Variants in ZNF804A observed in about 807,000 individuals in gnomAD.
ZNF804A encodes the protein zinc finger protein 804A.
In ZNF804A, 2 loss-of-function variants were observed where a neutral mutation model predicts 16.5. The observed-to-expected ratio is 0.12, with a 90% CI of 0.05 to 0.38. The LOEUF (loss-of-function observed/expected upper bound fraction) is 0.38, where lower values mean the gene tolerates loss of function less well. ZNF804A is among the 10% of genes least tolerant of loss of function. The probability of loss-of-function intolerance (pLI) is 0.99; values close to 1 mark genes in which losing one functional copy is unlikely to be tolerated. For missense variants in ZNF804A, 1,473 were observed against 1,390.7 expected (o/e 1.06, Z -0.94); for synonymous variants, 534 against 489.6 (o/e 1.09, Z -1.20).
At chr2:184,615,804 A>C (rs1691310433) in intron 1 of ZNF804A, among the ~76,000 whole-genome samples, 1 of 152,188 alleles carries the variant, frequency 6.6e-6, no homozygotes, top group East Asian at 1.9e-4. Context: ...GCACAAAGAC[A>C]CAGGGTCCAC....
intron 1 of ZNF804A, among the ~76,000 whole-genome samples, chr2:184,856,832 C>T (rs1156283283): frequency 1.3e-5 from 2 of 152,086 alleles, no homozygotes; most frequent in African/African-American, 2.4e-5. Flanking sequence ...TATGTACATG[C>T]ACATATTCCA....
chr2:184,901,245 T>C (rs1404401807), intron 2 of ZNF804A, among the ~76,000 whole-genome samples: 1 of 152,038 alleles, frequency 6.6e-6, no homozygotes, highest in Non-Finnish European at 1.5e-5. Context: ...AAAATACTTA[T>C]TGGGATAAAC....
At chr2:184,758,911 T>C (rs955787171) in intron 1 of ZNF804A, among the ~76,000 whole-genome samples, 10 of 151,964 alleles carry the variant, frequency 6.6e-5, no homozygotes, top group Admixed American at 2.0e-4. Context: ...CTTGTTTACA[T>C]TGCATTTCTG....
chr2:184,920,346 C>A (rs917413667), intron 2 of ZNF804A, among the ~76,000 whole-genome samples: 1 of 152,152 alleles, frequency 6.6e-6, no homozygotes, highest in Non-Finnish European at 1.5e-5. Flanking sequence ...GTGGTCAGAA[C>A]AAAAATGACT....
intron 1 of ZNF804A, among the ~76,000 whole-genome samples, chr2:184,838,067 G>A (rs1191955923): frequency 6.6e-6 from 1 of 152,046 alleles, no homozygotes; most frequent in Non-Finnish European, 1.5e-5. Flanking sequence ...AGTGCACGTG[G>A]GAGCCTCTCT....
At chr2:184,773,835 G>A (rs1308826688) in intron 1 of ZNF804A, among the ~76,000 whole-genome samples, 1 of 151,828 alleles carries the variant, frequency 6.6e-6, no homozygotes, top group East Asian at 1.9e-4. Context: ...ATGATTAATA[G>A]GTCTAGCAAG....
At chr2:184,725,182 T>C (rs759334871) in intron 1 of ZNF804A, among the ~76,000 whole-genome samples, 1 of 151,662 alleles carries the variant, frequency 6.6e-6, no homozygotes, top group Non-Finnish European at 1.5e-5. Context: ...TTTTACCTCC[T>C]ATAAGAAGAG....
chr2:184,909,896 G>A (rs1167388659), intron 2 of ZNF804A, among the ~76,000 whole-genome samples: 1 of 151,770 alleles, frequency 6.6e-6, no homozygotes, highest in African/African-American at 2.4e-5. Context: ...GACTGTTCAT[G>A]GTTTATTTTT....
At chr2:184,752,734 G>A (rs551816101) in intron 1 of ZNF804A, among the ~76,000 whole-genome samples, 2 of 151,508 alleles carry the variant, frequency 1.3e-5, no homozygotes, top group African/African-American at 4.8e-5. Flanking sequence ...AATATATAAC[G>A]TTTAATATTG....
At chr2:184,749,063 A>G (rs1276022852) in intron 1 of ZNF804A, among the ~76,000 whole-genome samples, 1 of 151,382 alleles carries the variant, frequency 6.6e-6, no homozygotes, top group African/African-American at 2.4e-5. Flanking sequence ...TGCCTTTGCT[A>G]TTTGGGCTCC....
chr2:184,602,806 C>T (rs1237245154), intron 1 of ZNF804A, among the ~76,000 whole-genome samples: 1 of 151,934 alleles, frequency 6.6e-6, no homozygotes, highest in Non-Finnish European at 1.5e-5. Context: ...CACAATGAGT[C>T]AATATTATCA....
At chr2:184,763,272 T>A (rs13396662) in intron 1 of ZNF804A, among the ~76,000 whole-genome samples, 2 of 152,036 alleles carry the variant, frequency 1.3e-5, no homozygotes, top group Admixed American at 6.6e-5. Flanking sequence ...TGATGGGCCC[T>A]AATTCAATAT....
At chr2:184,822,573 GTT>G (rs1423671116) in intron 1 of ZNF804A, among the ~76,000 whole-genome samples, 9 of 152,098 alleles carry the variant, frequency 5.9e-5, no homozygotes, top group African/African-American at 1.9e-4. Flanking sequence ...GAATTTAAGA[GTT>G]GAGTGAAAGA....
chr2:184,607,907 T>C (rs1313826085), intron 1 of ZNF804A, among the ~76,000 whole-genome samples: 1 of 145,788 alleles, frequency 6.9e-6, no homozygotes, highest in East Asian at 2.1e-4. Flanking sequence ...CAAGGTTAAC[T>C]GCACACCATG....
intron 1 of ZNF804A, among the ~76,000 whole-genome samples, chr2:184,733,041 A>G (rs1693545092): frequency 6.6e-6 from 1 of 152,086 alleles, no homozygotes; most frequent in African/African-American, 2.4e-5. Context: ...TTGTCTTATT[A>G]ATTAGAACTT....
intron 1 of ZNF804A, among the ~76,000 whole-genome samples, chr2:184,790,440 T>A (rs1694520412): frequency 6.6e-6 from 1 of 152,050 alleles, no homozygotes; most frequent in African/African-American, 2.4e-5. Flanking sequence ...CAGTGGGATG[T>A]TGAGGTCCCC....
At chr2:184,907,625 G>T (rs535696982) in intron 2 of ZNF804A, among the ~76,000 whole-genome samples, 3 of 152,000 alleles carry the variant, frequency 2.0e-5, no homozygotes, top group Non-Finnish European at 4.4e-5. Context: ...CCAGAAACAA[G>T]AACTGTAACA....
chr2:184,774,210 T>C (rs1327721660), intron 1 of ZNF804A, among the ~76,000 whole-genome samples: 7 of 151,892 alleles, frequency 4.6e-5, no homozygotes. Flanking sequence ...TTAACTGCTT[T>C]TATTTGCTGT....
At chr2:184,673,107 T>C (rs2105713815) in intron 1 of ZNF804A, among the ~76,000 whole-genome samples, 1 of 147,868 alleles carries the variant, frequency 6.8e-6, no homozygotes, top group East Asian at 2.0e-4. Flanking sequence ...AAAAATGAAA[T>C]AAAAGAAGGA....
Sources: gnomAD v4.1 joint callset for allele counts (sites outside exome capture counted in the v4.1 genomes callset) on GRCh38, gnomAD v4.1.1 for gene constraint, MANE v1.5 for transcripts, NCBI Gene and HGNC (gene_info 2026-07-23, HGNC 2026-07-21) for gene names.